SNRK: variants seen among roughly 807,000 people sequenced by gnomAD.
SNRK encodes the protein SNF related kinase.
Under a neutral mutation model 48.2 loss-of-function variants are expected in SNRK, and 3 were observed. The observed-to-expected ratio is 0.06, with a 90% CI of 0.03 to 0.16. The LOEUF is 0.16. SNRK is among the 10% of genes least tolerant of loss of function. The pLI is 1.00. For missense variants in SNRK, 627 were observed against 976.0 expected (o/e 0.64, Z 4.76); for synonymous variants, 376 against 366.1 (o/e 1.03, Z -0.31).
chr3:43,345,066 C>G (rs765469740), intron 6 of SNRK, among the ~76,000 whole-genome samples: 1 of 152,136 alleles, frequency 6.6e-6, no homozygotes, highest in African/African-American at 2.4e-5. Context: ...CATGACTAGC[C>G]TGGGCAACAT....
intron 3 of SNRK, among the ~76,000 whole-genome samples, chr3:43,323,427 A>G (rs559326585): frequency 3.9e-5 from 6 of 152,388 alleles, no homozygotes; most frequent in African/African-American, 1.4e-4. Flanking sequence ...CTATTAGAAT[A>G]GCTAAAATTT....
In SNRK at chr3:43,349,063, C is replaced by T. The variant is rs2091302594; in HGVS notation, c.*506C>T. On this transcript the variant is annotated 3_prime_UTR_variant, in exon 7 of 7. Transcript: ENST00000296088. Reference sequence around the variant, plus strand: ...CTTGTGCCGCCCAGCTGTCCATGGCCCGTGCAGAGCAGAGGACAGTGAGTG... The same window carrying T: ...CTTGTGCCGCCCAGCTGTCCATGGCTCGTGCAGAGCAGAGGACAGTGAGTG... 2 of 153,162 alleles carry T rather than the reference C, an allele frequency of 1.3e-5. No homozygotes were observed. Among genetic ancestry groups the T allele is most frequent in the Non-Finnish European group, 2.9e-5 (2 of 68,498 alleles). 9.5% of individuals were successfully genotyped at this position (153,162 alleles called of 1,614,324 possible).
At position 43,349,529 on chromosome 3, in the gene SNRK, T is replaced by C. The variant is rs2091306744; in HGVS notation, c.*972T>C. The C allele has an allele frequency of 1.3e-5, 2 of 152,240 alleles. No individual in the cohort carries two copies. Among genetic ancestry groups the C allele is most frequent in the African/African-American group, 4.8e-5 (2 of 41,466 alleles). 9.4% of individuals were successfully genotyped at this position (152,240 alleles called of 1,614,324 possible). ...AGTTTGGTAATTAGATTATCTCTTTTGTTATTTTCATTCAGTTATATCCTT... is the reference window on the plus strand; with the variant it reads ...AGTTTGGTAATTAGATTATCTCTTTCGTTATTTTCATTCAGTTATATCCTT... On this transcript the variant is annotated 3_prime_UTR_variant, in exon 7 of 7. Transcript: ENST00000296088.
chr3:43,288,404 C>A (rs1207738638), intron 1 of SNRK, among the ~76,000 whole-genome samples: 4 of 152,030 alleles, frequency 2.6e-5, no homozygotes, highest in Non-Finnish European at 5.9e-5. Context: ...TTTTATTTTT[C>A]TAGACCAGAA....
chr3:43,343,446 T>G lies in SNRK; in HGVS notation c.1047T>G (p.Ser349=). ...AAGAGAAAGAAATACAGACCAGATC[T>G]GCAAGCCCGAGCAATATCAAGGCCC... ...EKQEKEIQTR[S]ASPSNIKAQF... Residue 349 remains serine, a synonymous_variant, in exon 6 of 7, where the codon TCT becomes TCG. Coordinates refer to ENST00000296088, the MANE Select transcript of SNRK (RefSeq NM_017719.5). 2 of 1,613,736 alleles carry G rather than the reference T, an allele frequency of 1.2e-6. No individual in the cohort carries two copies. The highest frequency in any genetic ancestry group is 2.7e-5 in the African/African-American group (2 of 74,912).
chr3:43,310,681 T>A lies in SNRK; in HGVS notation c.589+6889T>A, dbSNP rs551888573. 7.9e-5 allele frequency among the ~76,000 whole-genome samples: 12 copies of A among 152,362 alleles called. 1 individual carries two copies. The highest frequency in any genetic ancestry group is 2.9e-4 in the African/African-American group (12 of 41,588). ...TAGAAATATATATTCAAAATCATTTTTCTCCCAACTTTGAAGATACGTTTT... is the reference window on the plus strand; with the variant it reads ...TAGAAATATATATTCAAAATCATTTATCTCCCAACTTTGAAGATACGTTTT... On this transcript the variant is annotated intron_variant, in intron 3 of 6. Coordinates refer to ENST00000296088, the MANE Select transcript of SNRK (RefSeq NM_017719.5).
At chr3:43,294,317 A>AT (rs1196312199) in intron 1 of SNRK, among the ~76,000 whole-genome samples, 1 of 152,230 alleles carries the variant, frequency 6.6e-6, no homozygotes, top group African/African-American at 2.4e-5. Flanking sequence ...CATTTGCAAT[A>AT]TACATAATGA....
intron 1 of SNRK, among the ~76,000 whole-genome samples, chr3:43,288,169 TG>T (rs2090780745): frequency 6.6e-6 from 1 of 152,120 alleles, no homozygotes; most frequent in Non-Finnish European, 1.5e-5. Flanking sequence ...AGGTGCACAG[TG>T]CTAACTTTTT....
chr3:43,321,383 G>A (rs2091052281), intron 3 of SNRK, among the ~76,000 whole-genome samples: 1 of 152,084 alleles, frequency 6.6e-6, no homozygotes, highest in African/African-American at 2.4e-5. Flanking sequence ...TTAGAGGACT[G>A]CCTATTGATC....
intron 5 of SNRK, chr3:43,340,823 C>T (rs1183121923): frequency 2.5e-5 from 7 of 280,312 alleles, no homozygotes; most frequent in African/African-American, 1.1e-4. Context: ...TATTCTCATT[C>T]CTCTGTCTCC....
In SNRK at chr3:43,347,428, C is replaced by G; in HGVS notation, c.1169C>G (p.Ser390Cys). ...TPLSHATVPQ[S>C]PARAADSVLN... ...TTGTCCCACGCGACTGTCCCTCAGT[C>G]TCCTGCTCGGGCTGCTGACAGTGTC... Residue 390 changes from serine (S) to cysteine (C), a missense_variant, in exon 7 of 7, where the codon TCT (serine) becomes TGT (cysteine). Coordinates refer to ENST00000296088, the MANE Select transcript of SNRK (RefSeq NM_017719.5). This position sits in a 1 kb window ranked among gnomAD's most constrained non-coding sequence, Gnocchi z 5.4. 2 of 1,614,078 alleles carry G rather than the reference C, an allele frequency of 1.2e-6. No individual in the cohort carries two copies. Among genetic ancestry groups the G allele is most frequent in the Non-Finnish European group, 1.7e-6 (2 of 1,180,002 alleles).
intron 3 of SNRK, among the ~76,000 whole-genome samples, chr3:43,314,300 G>A (rs781096184): frequency 1.5e-4 from 23 of 152,012 alleles, no homozygotes; most frequent in East Asian, 1.9e-4. Context: ...AACTTACTAC[G>A]TGTAAAGAAC....
At chr3:43,306,874 A>G (rs1483736443) in intron 3 of SNRK, among the ~76,000 whole-genome samples, 2 of 152,194 alleles carry the variant, frequency 1.3e-5, no homozygotes, top group Non-Finnish European at 2.9e-5. Context: ...TCTGGTTTTT[A>G]ACTTCTAATT....
intron 5 of SNRK, among the ~76,000 whole-genome samples, chr3:43,342,033 G>A (rs2091241843): frequency 6.6e-6 from 1 of 152,208 alleles, no homozygotes; most frequent in Non-Finnish European, 1.5e-5. Flanking sequence ...CTTTTGGAAT[G>A]TGTAGAAAAT....
chr3:43,295,961 A>T (rs1391280324), intron 1 of SNRK, among the ~76,000 whole-genome samples: 4 of 151,616 alleles, frequency 2.6e-5, no homozygotes, highest in Admixed American at 1.3e-4. Context: ...CTGGTCTCAA[A>T]CTCCTGACCT....
At chr3:43,326,360 G>T (rs756277344) in intron 3 of SNRK, among the ~76,000 whole-genome samples, 1 of 151,930 alleles carries the variant, frequency 6.6e-6, no homozygotes, top group African/African-American at 2.4e-5. Flanking sequence ...TTTTGAGGGG[G>T]CCCCACAATA....
chr3:43,318,846 G>C (rs1378030939), intron 3 of SNRK, among the ~76,000 whole-genome samples: 1 of 152,034 alleles, frequency 6.6e-6, no homozygotes, highest in Non-Finnish European at 1.5e-5. Context: ...TGGCCAAGCA[G>C]ATGAAACCCC....
chr3:43,305,291 T>C (rs901296503), intron 3 of SNRK, among the ~76,000 whole-genome samples: 24 of 152,114 alleles, frequency 1.6e-4, no homozygotes, highest in Non-Finnish European at 2.9e-4. Context: ...CACTTATGCA[T>C]ACAAGAGATT....
intron 3 of SNRK, among the ~76,000 whole-genome samples, chr3:43,321,480 C>G (rs963469926): frequency 6.6e-6 from 1 of 152,076 alleles, no homozygotes; most frequent in Non-Finnish European, 1.5e-5. Context: ...ATGGACTGTC[C>G]TAAGTGCATG....
Sources: allele counts gnomAD v4.1 joint callset (sites outside exome capture counted in the v4.1 genomes callset), GRCh38; gene constraint gnomAD v4.1.1; non-coding constraint Gnocchi (gnomAD v3.1); transcripts MANE v1.5; gene names NCBI Gene and HGNC (gene_info 2026-07-23, HGNC 2026-07-21).